Variants in SLC5A9 observed in about 807,000 individuals in gnomAD.
SLC5A9 encodes solute carrier family 5 member 9, also known as sodium/glucose cotransporter 4.
Under a neutral mutation model 70.9 loss-of-function variants are expected in SLC5A9, and 59 were observed. The observed-to-expected ratio is 0.83, with a 90% CI of 0.68 to 1.03. The LOEUF (loss-of-function observed/expected upper bound fraction) is 1.03, where lower values mean the gene tolerates loss of function less well. Among genes scored for constraint, SLC5A9 ranks in the 50% least tolerant of loss-of-function variants. SLC5A9 has a pLI of 0.00. For missense variants in SLC5A9, 832 were observed against 881.1 expected (o/e 0.94, Z 0.71); for synonymous variants, 340 against 346.5 (o/e 0.98, Z 0.21).
At position 48,247,529 on chromosome 1, in the gene SLC5A9, G is replaced by A. The variant is rs1644473843; in HGVS notation, c.2032G>A (p.Gly678Ser). Residue 678 changes from glycine (G) to serine (S), a missense_variant, in exon 14 of 14, where the codon GGC becomes AGC. By Grantham distance (56) the Gly-to-Ser change is moderately conservative (BLOSUM62 0). Transcript: ENST00000438567. ...LLLAINIFLW[G>S]YFA is the part of the protein sequence containing the mutation. ...GCTGGCCATCAACATCTTCCTCTGG[G>A]GCTATTTTGCGTGATTCCACAGACC... The A allele has an allele frequency of 6.2e-7, 1 of 1,614,038 alleles. No individual in the cohort carries two copies. The highest frequency in any genetic ancestry group is 1.3e-5 in the African/African-American group (1 of 74,922).
rs1405880730 is a variant in SLC5A9, at chr1:48,248,538, A to G, written c.*995A>G. 6.6e-6 allele frequency: 1 copy of G among 152,306 alleles called. No homozygotes were observed. The highest frequency in any genetic ancestry group is 1.9e-4 in the East Asian group (1 of 5,192). 9.4% of individuals were successfully genotyped at this position (152,306 alleles called of 1,614,324 possible). A position where few individuals can be genotyped will look rare whatever the true frequency, so the allele number is the denominator to read the frequency against. On this transcript the variant is annotated 3_prime_UTR_variant, in exon 14 of 14. Transcript: ENST00000438567. ...CTGCTTCTGTCACAGCACTGATCACACTGAGATGGAAGACTCCAGGGGGCA... is the reference window on the plus strand; with the variant it reads ...CTGCTTCTGTCACAGCACTGATCACGCTGAGATGGAAGACTCCAGGGGGCA...
At chr1:48,235,654 T>C in intron 9 of SLC5A9, 75 bp from the exon 10 acceptor site, 3 of 1,571,242 alleles carry the variant, frequency 1.9e-6, no homozygotes, top group Non-Finnish European at 2.6e-6. Context: ...TACAGAATGC[T>C]CCAGCAGCCT....
intron 2 of SLC5A9, among the ~76,000 whole-genome samples, chr1:48,226,917 C>G (rs560128030): frequency 1.3e-5 from 2 of 152,294 alleles, no homozygotes; most frequent in East Asian, 1.9e-4. Context: ...TACCAGCACC[C>G]TGGGACCGCC....
Position 48,230,872 on chromosome 1 carries a change from T to C in SLC5A9, c.610+167T>C, listed in dbSNP as rs564835064. On this transcript the variant is annotated intron_variant, in intron 5 of 13. Coordinates refer to ENST00000438567, the MANE Select transcript of SLC5A9 (RefSeq NM_001011547.3). The stretch of plus-strand genomic sequence containing the variant: ...ACAAAGAGAGGCTGAGACAGAGACG[T>C]AGAAGAGAAGAACACAGGGGAACAG... Among the ~76,000 whole-genome samples the C allele has an allele frequency of 1.2e-3, 175 of 151,666 alleles. 2 individuals are homozygous for C. The highest frequency in any genetic ancestry group is 4.1e-3 in the African/African-American group (171 of 41,318).
chr1:48,236,610 T>C (rs1015887875), intron 10 of SLC5A9, among the ~76,000 whole-genome samples: 1 of 152,266 alleles, frequency 6.6e-6, no homozygotes, highest in Non-Finnish European at 1.5e-5. Context: ...CTTTGCTTCA[T>C]AATCGAAGGT....
In SLC5A9 at chr1:48,242,530, C is replaced by A; in HGVS notation, c.1751C>A (p.Pro584Gln). Reference protein sequence around the residue: ...ELEKEAHESTPEISERPAGEC... With the variant: ...ELEKEAHESTQEISERPAGEC... ...GAGAAGGAGGCCCACGAGAGCACAC[C>A]GGAGATATCCGAGAGGCCAGCCGGG... Residue 584 changes from proline (P) to glutamine (Q), a missense_variant, in exon 13 of 14, where the codon CCG becomes CAG. Transcript: ENST00000438567. 6.2e-7 allele frequency: 1 copy of A among 1,613,808 alleles called. No homozygotes were observed. The highest frequency in any genetic ancestry group is 8.5e-7 in the Non-Finnish European group (1 of 1,179,786).
chr1:48,234,371 G>A (rs1644298323), intron 9 of SLC5A9, among the ~76,000 whole-genome samples: 1 of 152,186 alleles, frequency 6.6e-6, no homozygotes, highest in Non-Finnish European at 1.5e-5. Flanking sequence ...GGACACTGCG[G>A]GGTTTTGGTC....
chr1:48,247,228 A>C, intron 13 of SLC5A9, 107 bp from the exon 14 acceptor site: 2 of 987,128 alleles, frequency 2.0e-6, no homozygotes, highest in Non-Finnish European at 3.1e-6. Context: ...TTCCATCAGT[A>C]TCTCACCATC....
rs61730945 is a variant in SLC5A9, at chr1:48,231,605, C to T, written c.671C>T (p.Ala224Val). 3.0e-3 allele frequency: 4,831 copies of T among 1,614,148 alleles called. 104 individuals are homozygous for T. In the African/African-American group the frequency reaches 0.053, roughly 18 times the overall value. ...CAGACGGTGATCATGGTAGGGGGAG[C>T]CCTGGTCCTCATGTTTCTGGGTAAG... ...ALQTVIMVGG[A>V]LVLMFLGFQD... Residue 224 changes from alanine (A) to valine (V), a missense_variant, in exon 6 of 14, where the codon GCC becomes GTC. Transcript: ENST00000438567.
At chr1:48,235,281 A>G (rs1644310773) in intron 9 of SLC5A9, among the ~76,000 whole-genome samples, 1 of 152,196 alleles carries the variant, frequency 6.6e-6, no homozygotes, top group Admixed American at 6.5e-5. Flanking sequence ...CATGTCAATG[A>G]AGAAGGTATG....
In SLC5A9 at chr1:48,230,610, T is replaced by C; in HGVS notation, c.515T>C (p.Phe172Ser). 6.2e-7 allele frequency: 1 copy of C among 1,614,012 alleles called. No homozygotes were observed. Among genetic ancestry groups the C allele is most frequent in the Non-Finnish European group, 8.5e-7 (1 of 1,179,908 alleles). The change falls in exon 5 of 14, where the codon TTC (phenylalanine) becomes TCC (serine). Residue 172 changes from phenylalanine to serine, a missense_variant. Physicochemically the swap from Phe to Ser is radical, Grantham distance 155. Transcript: ENST00000438567. ...CCTGGCTCTCTGCAGACTGACATCT[T>C]CTCTGGAGCCCTCTTCATCCAGATG... ...YIFTKISTDI[F>S]SGALFIQMAL...
chr1:48,242,990 G>A (rs77695322), intron 13 of SLC5A9, among the ~76,000 whole-genome samples: 1 of 52,316 alleles, frequency 1.9e-5, no homozygotes, highest in African/African-American at 4.4e-5. Flanking sequence ...AGAAGGGCAT[G>A]GCTGAGCTAA....
intron 7 of SLC5A9, 33 bp downstream of exon 7, chr1:48,232,184 C>A: frequency 6.3e-7 from 1 of 1,589,984 alleles, no homozygotes; most frequent in Admixed American, 1.7e-5. Flanking sequence ...CCCAGCCTGC[C>A]AGGAAGTGGG....
chr1:48,224,476 C>A (rs1443971635), intron 1 of SLC5A9, among the ~76,000 whole-genome samples: 1 of 152,204 alleles, frequency 6.6e-6, no homozygotes, highest in Non-Finnish European at 1.5e-5. Context: ...ACGTGACATC[C>A]GTTACCTCCT....
chr1:48,242,684 G>A (rs955508660), intron 13 of SLC5A9, 68 bp downstream of exon 13: 54 of 1,428,522 alleles, frequency 3.8e-5, no homozygotes, highest in African/African-American at 1.3e-4. Flanking sequence ...TGTCATGGGC[G>A]GTCTTTGGGA....
chr1:48,234,995 G>T (rs1327039679), intron 9 of SLC5A9, among the ~76,000 whole-genome samples: 1 of 152,168 alleles, frequency 6.6e-6, no homozygotes, highest in Non-Finnish European at 1.5e-5. Context: ...TCAGAAGGTG[G>T]TTAAATATAT....
chr1:48,226,182 A>C (rs202126392), intron 2 of SLC5A9, among the ~76,000 whole-genome samples: 12 of 151,856 alleles, frequency 7.9e-5, no homozygotes, highest in African/African-American at 2.9e-4. Context: ...AAAAGGAAAA[A>C]CCCTTCAAAA....
At chr1:48,225,728 T>A (rs1644135338) in intron 2 of SLC5A9, among the ~76,000 whole-genome samples, 1 of 151,942 alleles carries the variant, frequency 6.6e-6, no homozygotes, top group Non-Finnish European at 1.5e-5. Context: ...GCTTGCAAAC[T>A]CATGCACACA....
intron 13 of SLC5A9, 80 bp from the exon 14 acceptor site, chr1:48,247,255 T>C: frequency 7.6e-7 from 1 of 1,319,660 alleles, no homozygotes; most frequent in Non-Finnish European, 1.1e-6. Flanking sequence ...CCTCCCCTAC[T>C]CTCCTATCAC....
Sources: allele counts gnomAD v4.1 joint callset (sites outside exome capture counted in the v4.1 genomes callset), GRCh38; gene constraint gnomAD v4.1.1; transcripts MANE v1.5; gene names NCBI Gene and HGNC (gene_info 2026-07-23, HGNC 2026-07-21).